The following MCF2 variants were observed in gnomAD, a reference collection of about 807,000 sequenced individuals.
MCF2 encodes proto-oncogene DBL.
Under a neutral mutation model 82.5 loss-of-function variants are expected in MCF2, and 44 were observed. The ratio of observed to expected loss-of-function variants is 0.53; its 90% CI spans 0.42 to 0.69. MCF2 has a LOEUF of 0.69. Ranked by LOEUF, MCF2 falls within the 30% of genes least tolerant of loss-of-function variation. The pLI, the probability that MCF2 is intolerant of heterozygous loss-of-function variation, is 0.00. For synonymous variants in MCF2, 217 were observed against 224.9 expected (o/e 0.96, Z 0.32); for missense variants, 623 against 663.1 (o/e 0.94, Z 0.66).
intron 7 of MCF2, among the ~76,000 whole-genome samples, chrX:139,618,366 T>C (rs1932086098): frequency 1.8e-5 from 2 of 111,457 alleles, no homozygotes; most frequent in South Asian, 7.5e-4. Flanking sequence ...CTAATGGGTA[T>C]ACAGTTTCAA....
intron 1 of MCF2, among the ~76,000 whole-genome samples, chrX:139,675,345 G>A (rs1934834153): frequency 8.9e-6 from 1 of 112,457 alleles, no homozygotes; most frequent in Non-Finnish European, 1.9e-5. Flanking sequence ...TTCCATTGCT[G>A]GCGAGGAGAT....
In MCF2 at chrX:139,589,794, A is replaced by G. The variant is rs772096994; in HGVS notation, c.2370+41T>C. On this transcript the variant is annotated intron_variant, in intron 20 of 24. Transcript: ENST00000370576. Reference sequence around the variant, plus strand: ...TATAAATTCGGGCTTTTGTATTTCAATGCAGGTTTGGGTTTCTAGAAGAAT... The same window carrying G: ...TATAAATTCGGGCTTTTGTATTTCAGTGCAGGTTTGGGTTTCTAGAAGAAT... 2.4e-5 allele frequency: 23 copies of G among 959,299 alleles called. No individual in the cohort carries two copies. In the South Asian group the frequency reaches 4.0e-4, roughly 17 times the overall value. The allele number at this position is 959,299 out of a possible 1,213,427, so 79.1% of individuals were successfully genotyped here.
chrX:139,596,467 C>T (rs1930105469), intron 19 of MCF2, 82 bp downstream of exon 23: 1 of 725,916 alleles, frequency 1.4e-6, no homozygotes, highest in South Asian at 2.5e-5. Flanking sequence ...AAAACCTACT[C>T]ATTTGAAACA....
chrX:139,598,091 G>A (rs970460909), intron 17 of MCF2, among the ~76,000 whole-genome samples: 1 of 111,957 alleles, frequency 8.9e-6, no homozygotes, highest in Non-Finnish European at 1.9e-5. Context: ...AAAACTATAA[G>A]AAATATTTGC....
At chrX:139,683,709 C>T (rs1209492284) in intron 1 of MCF2, among the ~76,000 whole-genome samples, 1 of 111,494 alleles carries the variant, frequency 9.0e-6, no homozygotes, top group African/African-American at 3.3e-5. Context: ...ATCCAGGGCA[C>T]CAAGACATTT....
intron 1 of MCF2, among the ~76,000 whole-genome samples, chrX:139,694,168 A>G (rs886202240): frequency 1.8e-5 from 2 of 112,027 alleles, no homozygotes; most frequent in Non-Finnish European, 3.8e-5. Flanking sequence ...TTAAAAAAGA[A>G]GGAAATAAAT....
intron 9 of MCF2, among the ~76,000 whole-genome samples, chrX:139,615,279 C>T (rs1816296973): frequency 9.0e-6 from 1 of 111,617 alleles, no homozygotes; most frequent in South Asian, 3.7e-4. Context: ...AAGAAGCAGT[C>T]ATGAAATTGG....
intron 1 of MCF2, among the ~76,000 whole-genome samples, chrX:139,691,639 G>A (rs1460268016): frequency 3.7e-5 from 4 of 108,330 alleles, no homozygotes; most frequent in Non-Finnish European, 5.7e-5. Flanking sequence ...AGAGCTGCAC[G>A]CCTGCAGCGC....
chrX:139,601,848 G>T (rs896530543), intron 16 of MCF2, among the ~76,000 whole-genome samples: 1 of 110,712 alleles, frequency 9.0e-6, no homozygotes, highest in African/African-American at 3.3e-5. Flanking sequence ...AATAAGAAGA[G>T]ATTTTTGTAA....
intron 2 of MCF2, among the ~76,000 whole-genome samples, chrX:139,650,546 T>C (rs970303476): frequency 1.8e-5 from 2 of 111,747 alleles, no homozygotes; most frequent in African/African-American, 6.5e-5. Flanking sequence ...AAAAACAATG[T>C]ATTAATATAT....
At chrX:139,664,786 A>G (rs902387589) in intron 1 of MCF2, among the ~76,000 whole-genome samples, 7 of 111,877 alleles carry the variant, frequency 6.3e-5, no homozygotes, top group African/African-American at 2.3e-4. Context: ...GTTGGGTCTC[A>G]CTTGAAGCCA....
At chrX:139,622,571 TC>T (rs1486984581) in intron 6 of MCF2, among the ~76,000 whole-genome samples, 1 of 111,287 alleles carries the variant, frequency 9.0e-6, no homozygotes, top group Admixed American at 9.6e-5. Context: ...TGAGTTCATG[TC>T]CTTTGTAGGG....
intron 1 of MCF2, among the ~76,000 whole-genome samples, chrX:139,690,648 A>G (rs1935239944): frequency 9.0e-6 from 1 of 111,450 alleles, no homozygotes; most frequent in African/African-American, 3.3e-5. Context: ...GTCTAACTGA[A>G]GATGTTTGCA....
At chrX:139,704,240 T>C (rs983192484) in intron 1 of MCF2, among the ~76,000 whole-genome samples, 4 of 112,163 alleles carry the variant, frequency 3.6e-5, no homozygotes, top group African/African-American at 6.5e-5. Context: ...CTGGAAGTCC[T>C]AGCCAGAGCA....
chrX:139,657,796 C>G (rs1934239206), intron 1 of MCF2, among the ~76,000 whole-genome samples: 2 of 111,441 alleles, frequency 1.8e-5, no homozygotes, highest in African/African-American at 3.3e-5. Context: ...TTTTTACCCT[C>G]AGAGAGAGAC....
chrX:139,638,633 A>T lies in MCF2; in HGVS notation c.51+3835T>A, dbSNP rs575616562. ...TTCTCAAGAGAAGACAGAAATCCAGATTGTCATGCAAAGCCCAGATGTTTA... is the reference window on the plus strand; with the variant it reads ...TTCTCAAGAGAAGACAGAAATCCAGTTTGTCATGCAAAGCCCAGATGTTTA... On this transcript the variant is annotated intron_variant, in intron 1 of 24. Coordinates refer to ENST00000370576, the Ensembl canonical transcript of MCF2. 5.5e-4 allele frequency among the ~76,000 whole-genome samples: 62 copies of T among 111,721 alleles called. No individual in the cohort carries two copies. In the Admixed American group the frequency reaches 5.8e-3, roughly 10 times the overall value.
chrX:139,676,554 T>C (rs965666317), intron 1 of MCF2, among the ~76,000 whole-genome samples: 6 of 112,206 alleles, frequency 5.3e-5, no homozygotes, highest in Admixed American at 2.8e-4. Flanking sequence ...ACAGATTGAC[T>C]GGATTCAAAT....
intron 22 of MCF2, among the ~76,000 whole-genome samples, 176 bp downstream of exon 26, chrX:139,587,540 A>C (rs1279072864): frequency 8.9e-6 from 1 of 111,820 alleles, no homozygotes; most frequent in African/African-American, 3.3e-5. Flanking sequence ...ACTATTAAGA[A>C]CTATCAGCCT....
intron 1 of MCF2, among the ~76,000 whole-genome samples, chrX:139,653,256 C>A (rs961445634): frequency 6.3e-5 from 7 of 111,864 alleles, no homozygotes; most frequent in African/African-American, 2.3e-4. Context: ...GCAAAAGATA[C>A]AAGAACACTT....
Sources: allele counts gnomAD v4.1 joint callset (sites outside exome capture counted in the v4.1 genomes callset), GRCh38; gene constraint gnomAD v4.1.1; transcripts MANE v1.5; gene names NCBI Gene and HGNC (gene_info 2026-07-23, HGNC 2026-07-21).